Variants in NCOR1 observed in about 807,000 individuals in gnomAD.
NCOR1 encodes nuclear receptor corepressor 1, also known as protein phosphatase 1, regulatory subunit 109.
Under a neutral mutation model 288.1 loss-of-function variants are expected in NCOR1, and 63 were observed. That is an observed-to-expected ratio of 0.22 (90% confidence interval 0.18 to 0.27). The LOEUF (loss-of-function observed/expected upper bound fraction) is 0.27, where lower values mean the gene tolerates loss of function less well. Among genes scored for constraint, NCOR1 ranks in the 10% least tolerant of loss-of-function variants. The probability of loss-of-function intolerance (pLI) is 1.00; values close to 1 mark genes in which losing one functional copy is unlikely to be tolerated. For synonymous variants in NCOR1, 1,007 were observed against 1,065.9 expected (o/e 0.94, Z 1.08); for missense variants, 2,397 against 3,019.2 (o/e 0.79, Z 4.83).
rs71299858 is a variant in NCOR1 at position 16,056,308 on chromosome 17, C to CTTTTTTT, written c.6392+1199_6392+1205dup. Among the ~76,000 whole-genome samples the CTTTTTTT allele has an allele frequency of 1.0e-3, 100 of 96,006 alleles. 2 individuals are homozygous for CTTTTTTT. The highest frequency in any genetic ancestry group is 1.6e-3 in the South Asian group (4 of 2,528). 63.0% of individuals were successfully genotyped at this position (96,006 alleles called of 152,430 possible). On this transcript the variant is annotated intron_variant, in intron 40 of 45. Transcript: ENST00000268712. ...GTCTTGTTCTCAGCATTCTTTTTAT[C>CTTTTTTT]TTTTTTTTTTTTTTTTTTTTTTGAG...
At chr17:16,142,603 C>T (rs1248594715) in intron 11 of NCOR1, among the ~76,000 whole-genome samples, 2 of 152,106 alleles carry the variant, frequency 1.3e-5, no homozygotes, top group East Asian at 3.8e-4. Context: ...CACTAGGCAA[C>T]AGGAACTCAA....
intron 3 of NCOR1, among the ~76,000 whole-genome samples, chr17:16,184,981 G>C (rs2086298691): frequency 8.1e-6 from 1 of 123,860 alleles, no homozygotes; most frequent in Non-Finnish European, 1.6e-5. Flanking sequence ...AATATTGCAT[G>C]ATTTCGCTTA....
chr17:16,126,592 C>CA (rs1446818856), intron 14 of NCOR1, among the ~76,000 whole-genome samples: 1 of 152,024 alleles, frequency 6.6e-6, no homozygotes, highest in East Asian at 1.9e-4. Context: ...AATATGTTTC[C>CA]AATTTTTTCA....
chr17:16,067,464 T>C (rs531700079), intron 32 of NCOR1, among the ~76,000 whole-genome samples: 1 of 152,146 alleles, frequency 6.6e-6, no homozygotes, highest in African/African-American at 2.4e-5. Flanking sequence ...TAGCTTTACT[T>C]AAAAAAAAGA....
chr17:16,061,714 C>A lies in NCOR1; in HGVS notation c.5568G>T (p.Arg1856Ser), dbSNP rs2152608170. 1 of 1,614,230 alleles carries A rather than the reference C, an allele frequency of 6.2e-7. No individual in the cohort carries two copies. Among genetic ancestry groups the A allele is most frequent in the South Asian group, 1.1e-5 (1 of 91,084 alleles). The change falls in exon 37 of 46, where the codon AGG becomes AGT. Residue 1856 changes from arginine (R) to serine (S), a missense_variant. Arg to Ser is a moderately radical substitution (Grantham distance 110). This residue lies in a region of NCOR1 where 1,872 missense variants were observed against 2,187.8 expected (regional missense o/e 0.86). Transcript: ENST00000268712. ...AARLEENLRSRSAAVSEQQQL... is the reference protein window; with the variant it reads ...AARLEENLRSSSAAVSEQQQL... ...GCTGCTGTTCACTAACTGCTGCTGA[C>A]CTGCTTCTCAAATTTTCTTCTAACC...
At chr17:16,214,815 T>C (rs539533824) in intron 1 of NCOR1, among the ~76,000 whole-genome samples, 2 of 152,278 alleles carry the variant, frequency 1.3e-5, no homozygotes, top group East Asian at 3.9e-4. Context: ...CGGCAGAAGG[T>C]ATAGTGTTCG....
chr17:16,195,199 C>T (rs984484687), intron 1 of NCOR1, among the ~76,000 whole-genome samples: 4 of 152,114 alleles, frequency 2.6e-5, no homozygotes, highest in African/African-American at 9.7e-5. Context: ...AGGCCAGGAG[C>T]GGTGGCTACT....
intron 3 of NCOR1, among the ~76,000 whole-genome samples, chr17:16,181,925 A>T (rs987190815): frequency 3.3e-4 from 51 of 152,328 alleles, no homozygotes; most frequent in African/African-American, 1.2e-3. Context: ...GAATGGCAAA[A>T]GTATGGGTAA....
At position 16,186,555 on chromosome 17, in the gene NCOR1, T is replaced by C. The variant is rs1415319087; in HGVS notation, c.241A>G (p.Arg81Gly). ...LLSEFHPGSD[R>G]PQERRTSYEP... ...GAAACATAAAAGAAACCTCATTACC[T>C]GTCAGAACCTGGGTGAAATTCTGAA... is the stretch of plus-strand genomic sequence containing the variant. The change falls in exon 3 of 46, where the codon AGG (arginine) becomes GGG (glycine). Residue 81 changes from arginine (R) to glycine (G), a missense_variant and splice_region_variant. Arg to Gly is a moderately radical substitution (Grantham distance 125, BLOSUM62 -2). This residue lies in a region of NCOR1 where 110 missense variants were observed against 123.2 expected (regional missense o/e 0.89). Coordinates refer to ENST00000268712, the MANE Select transcript of NCOR1 (RefSeq NM_006311.4). 2 of 1,613,360 alleles carry C rather than the reference T, an allele frequency of 1.2e-6. No individual in the cohort carries two copies. The highest frequency in any genetic ancestry group is 2.2e-5 in the East Asian group (1 of 44,866).
intron 1 of NCOR1, among the ~76,000 whole-genome samples, chr17:16,210,703 T>C (rs1434999021): frequency 1.3e-5 from 2 of 151,986 alleles, no homozygotes; most frequent in Non-Finnish European, 2.9e-5. Context: ...ATATCCAAAG[T>C]AATCTCTCAT....
rs186445208 is a variant in NCOR1 at position 16,187,537 on chromosome 17, G to C, written c.109-850C>G. 1.0e-2 allele frequency among the ~76,000 whole-genome samples: 1,126 copies of C among 113,130 alleles called. 18 individuals carry two copies. Among genetic ancestry groups the C allele is most frequent in the East Asian group, 0.053 (255 of 4,824 alleles). 74.2% of individuals were successfully genotyped at this position (113,130 alleles called of 152,430 possible). ...ACAAACATAGAAAACATTATACTAAGTTTAAAAAAAAAAAAAAAGGTCAGG... is the reference window on the plus strand; with the variant it reads ...ACAAACATAGAAAACATTATACTAACTTTAAAAAAAAAAAAAAAGGTCAGG... On this transcript the variant is annotated intron_variant, in intron 2 of 45. Transcript: ENST00000268712.
At chr17:16,129,099 C>G (rs1413309229) in intron 14 of NCOR1, among the ~76,000 whole-genome samples, 3 of 152,202 alleles carry the variant, frequency 2.0e-5, no homozygotes, top group Admixed American at 1.3e-4. Context: ...AAATGCATGT[C>G]AATGGCTTTT....
At chr17:16,196,023 C>A (rs1230893322) in intron 1 of NCOR1, among the ~76,000 whole-genome samples, 1 of 151,102 alleles carries the variant, frequency 6.6e-6, no homozygotes, top group African/African-American at 2.4e-5. Context: ...TACACATATA[C>A]ACACGTGCAT....
At chr17:16,168,174 A>G (rs1303973342) in intron 4 of NCOR1, among the ~76,000 whole-genome samples, 1 of 152,158 alleles carries the variant, frequency 6.6e-6, no homozygotes, top group African/African-American at 2.4e-5. Flanking sequence ...TGGTGTCAGC[A>G]AGGATAAAAA....
At chr17:16,112,733 C>T (rs2070566583) in intron 18 of NCOR1, among the ~76,000 whole-genome samples, 2 of 152,122 alleles carry the variant, frequency 1.3e-5, no homozygotes, top group South Asian at 4.1e-4. Context: ...TCGTGATCTG[C>T]CCGCCTCGGC....
At chr17:16,168,877 A>T (rs146298941) in intron 4 of NCOR1, among the ~76,000 whole-genome samples, 5 of 151,750 alleles carry the variant, frequency 3.3e-5, no homozygotes, top group African/African-American at 1.2e-4. Flanking sequence ...AGGCTGAGGC[A>T]GGAGAATTGC....
chr17:16,084,705 A>G (rs2063943161), intron 23 of NCOR1, among the ~76,000 whole-genome samples: 1 of 152,194 alleles, frequency 6.6e-6, no homozygotes, highest in African/African-American at 2.4e-5. Flanking sequence ...AACTGAAGCG[A>G]TCAAATGAGT....
At chr17:16,146,322 A>T (rs1156444364) in intron 10 of NCOR1, 54 bp downstream of exon 10, 2 of 1,505,886 alleles carry the variant, frequency 1.3e-6, no homozygotes, top group Non-Finnish European at 1.8e-6. Flanking sequence ...AAAAAAAAGA[A>T]ACAATAAATA....
Position 16,034,940 on chromosome 17 carries a change from T to G in NCOR1, c.6960A>C (p.Gly2320=), listed in dbSNP as rs1331700840. The part of the protein sequence containing the change: ...EEGDPSPHSG[G]VCKPKLISKS... ...TGCTGATCAGCTTTGGTTTGCAAACTCCTCCTGAAAGTGAAATTCAAGTTA... is the reference window on the plus strand; with the variant it reads ...TGCTGATCAGCTTTGGTTTGCAAACGCCTCCTGAAAGTGAAATTCAAGTTA... Residue 2320 remains glycine (G), a synonymous_variant, in exon 45 of 46, where the codon GGA becomes GGC. Coordinates refer to ENST00000268712, the MANE Select transcript of NCOR1 (RefSeq NM_006311.4). The G allele has an allele frequency of 1.9e-6, 3 of 1,613,300 alleles. No homozygotes were observed. The highest frequency in any genetic ancestry group is 2.5e-6 in the Non-Finnish European group (3 of 1,179,760).
Sources: allele counts gnomAD v4.1 joint callset (sites outside exome capture counted in the v4.1 genomes callset), GRCh38; gene constraint gnomAD v4.1.1; regional missense constraint gnomAD v4.1.1; transcripts MANE v1.5; gene names NCBI Gene and HGNC (gene_info 2026-07-23, HGNC 2026-07-21).